Variants in FSIP2 observed in about 807,000 individuals in gnomAD.
The protein encoded by FSIP2 is fibrous sheath-interacting protein 2.
FSIP2 carries 367 observed loss-of-function variants against 510.5 expected under a neutral mutation model. The ratio of observed to expected loss-of-function variants is 0.72; its 90% CI spans 0.66 to 0.78. FSIP2 has a LOEUF of 0.78. Ranked by LOEUF, FSIP2 falls within the 30% of genes least tolerant of loss-of-function variation. The probability of loss-of-function intolerance (pLI) is 0.00; values close to 1 mark genes in which losing one functional copy is unlikely to be tolerated. For synonymous variants in FSIP2, 2,601 were observed against 2,732.2 expected (o/e 0.95, Z 1.50); for missense variants, 7,594 against 7,901.7 (o/e 0.96, Z 1.48).
chr2:185,815,801 A>G (rs1693814864), intron 19 of FSIP2, among the ~76,000 whole-genome samples: 1 of 152,086 alleles, frequency 6.6e-6, no homozygotes, highest in East Asian at 1.9e-4. Context: ...ATGCAGTATC[A>G]GTACAAAAGT....
Position 185,743,203 on chromosome 2 carries a change from G to A in FSIP2, c.296G>A (p.Ser99Asn). The A allele has an allele frequency of 6.5e-7, 1 of 1,529,690 alleles. No homozygotes were observed. Among genetic ancestry groups the A allele is most frequent in the Non-Finnish European group, 8.7e-7 (1 of 1,143,850 alleles). The allele number at this position is 1,529,690 out of a possible 1,614,324, so 94.8% of individuals were successfully genotyped here. Residue 99 changes from serine to asparagine, a missense_variant, in exon 3 of 23, where the codon AGC (serine) becomes AAC (asparagine). By Grantham distance (46) the Ser-to-Asn change is conservative (BLOSUM62 1). Coordinates refer to ENST00000424728, the MANE Select transcript of FSIP2 (RefSeq NM_173651.4). ...YCRLLENQYKSLHDPHLKAYY... is the reference protein window; with the variant it reads ...YCRLLENQYKNLHDPHLKAYY... Reference sequence around the variant, plus strand: ...CGACTTTTGGAAAACCAATATAAAAGCCTCCATGATCCACATTTAAAAGCA... The same window carrying A: ...CGACTTTTGGAAAACCAATATAAAAACCTCCATGATCCACATTTAAAAGCA...
At position 185,790,145 on chromosome 2, in the gene FSIP2, T is replaced by C; in HGVS notation, c.3009T>C (p.Asp1003=). The part of the protein sequence containing the change: ...NVPGMVLYSD[D]ENEEIDNIVK... ...CAGGCATGGTTCTTTATTCTGATGATGAAAATGAGGAAATAGACAATATTG... is the reference window on the plus strand; with the variant it reads ...CAGGCATGGTTCTTTATTCTGATGACGAAAATGAGGAAATAGACAATATTG... Residue 1003 remains aspartate (D), a synonymous_variant, in exon 16 of 23, where the codon GAT becomes GAC. Coordinates refer to ENST00000424728, the MANE Select transcript of FSIP2 (RefSeq NM_173651.4). 5 of 1,533,380 alleles carry C rather than the reference T, an allele frequency of 3.3e-6. No homozygotes were observed. The highest frequency in any genetic ancestry group is 4.4e-6 in the Non-Finnish European group (5 of 1,145,116). The allele number at this position is 1,533,380 out of a possible 1,614,324, so 95.0% of individuals were successfully genotyped here.
chr2:185,793,383 C>G lies in FSIP2; in HGVS notation c.6247C>G (p.Arg2083Gly), dbSNP rs758314634. 1.3e-6 allele frequency: 2 copies of G among 1,533,468 alleles called. No individual in the cohort carries two copies. The highest frequency in any genetic ancestry group is 1.7e-6 in the Non-Finnish European group (2 of 1,145,346). 95.0% of individuals were successfully genotyped at this position (1,533,468 alleles called of 1,614,324 possible). A position where few individuals can be genotyped will look rare whatever the true frequency, so the allele number is the denominator to read the frequency against. The change falls in exon 16 of 23, where the codon CGA (arginine) becomes GGA (glycine). Residue 2083 changes from arginine to glycine, a missense_variant. Transcript: ENST00000424728. ...AAAGCTGCTCAATGAGACCAAATAT[C>G]GAAAAGTACTTCAACTTCAAATACA... ...IEKLLNETKY[R>G]KVLQLQIQDT... is the part of the protein sequence containing the mutation.
chr2:185,756,192 CT>C lies in FSIP2; in HGVS notation c.994del (p.Ser332LeufsTer12). On this transcript the variant is annotated frameshift_variant and splice_region_variant, in exon 9 of 23. Coordinates refer to ENST00000424728, the MANE Select transcript of FSIP2 (RefSeq NM_173651.4). LOFTEE classifies it high-confidence loss of function. ...FKYRGQDGTH[A>X]SPKNKKKTSE... ...AAATGTTTTATTATATTTCTTTAAG[CT>C]TCTCCAAAGAATAAAAAGAAGACTT... 8.4e-7 allele frequency: 1 copy of C among 1,189,010 alleles called. No individual in the cohort carries two copies. Among genetic ancestry groups the C allele is most frequent in the Non-Finnish European group, 1.2e-6 (1 of 857,658 alleles). The allele number at this position is 1,189,010 out of a possible 1,614,324, so 73.7% of individuals were successfully genotyped here.
In FSIP2 at chr2:185,813,664, T is replaced by C; in HGVS notation, c.19947T>C (p.Asp6649=). The change falls in exon 18 of 23, where the codon GAT becomes GAC. Residue 6649 remains aspartate (D), a synonymous_variant. Coordinates refer to ENST00000424728, the MANE Select transcript of FSIP2 (RefSeq NM_173651.4). ...LIVRLVAHDI[D]QVYLENYIKE... ...TTCGATTAGTAGCTCATGATATTGA[T>C]CAAGTGTATTTGGAAAATTACATAA... The C allele has an allele frequency of 6.2e-7, 1 of 1,608,590 alleles. No homozygotes were observed. The highest frequency in any genetic ancestry group is 8.5e-7 in the Non-Finnish European group (1 of 1,176,982).
At chr2:185,831,547 T>C (rs899065190) in intron 21 of FSIP2, among the ~76,000 whole-genome samples, 2 of 151,924 alleles carry the variant, frequency 1.3e-5, no homozygotes, top group Non-Finnish European at 2.9e-5. Flanking sequence ...TTTCATGAGT[T>C]AATATGGCTG....
chr2:185,790,597 T>C lies in FSIP2; in HGVS notation c.3461T>C (p.Ile1154Thr), dbSNP rs192534226. Residue 1154 changes from isoleucine to threonine, a missense_variant, in exon 16 of 23, where the codon ATA becomes ACA. Coordinates refer to ENST00000424728, the MANE Select transcript of FSIP2 (RefSeq NM_173651.4). ...KPQGLSHQEW[I>T]DQMFSVSEIS... is the part of the protein sequence containing the mutation. ...CAAGGACTGTCACATCAAGAATGGA[T>C]AGACCAGATGTTTTCTGTTTCAGAA... The C allele has an allele frequency of 3.5e-5, 54 of 1,534,038 alleles. No homozygotes were observed. In the East Asian group the frequency reaches 1.1e-3, roughly 32 times the overall value.
rs531591443 is a variant in FSIP2, at chr2:185,788,609, A to G, written c.1507-34A>G. ...AAAACATAGAGTAAGTTGTTACATGACTTTATTTTCATCTCTGCTTACCTC... is the reference window on the plus strand; with the variant it reads ...AAAACATAGAGTAAGTTGTTACATGGCTTTATTTTCATCTCTGCTTACCTC... On this transcript the variant is annotated intron_variant, in intron 15 of 22. Transcript: ENST00000424728. The G allele has an allele frequency of 1.2e-5, 17 of 1,411,462 alleles. No individual in the cohort carries two copies. In the South Asian group the frequency reaches 1.5e-4, roughly 13 times the overall value. The allele number at this position is 1,411,462 out of a possible 1,614,324, so 87.4% of individuals were successfully genotyped here.
At chr2:185,779,710 AC>A (rs1692802173) in intron 13 of FSIP2, among the ~76,000 whole-genome samples, 2 of 152,070 alleles carry the variant, frequency 1.3e-5, no homozygotes, top group African/African-American at 4.8e-5. Flanking sequence ...ATATTTGCCC[AC>A]CTGTTTACCA....
chr2:185,762,761 A>G (rs1396894840), intron 11 of FSIP2, among the ~76,000 whole-genome samples: 1 of 151,138 alleles, frequency 6.6e-6, no homozygotes, highest in Non-Finnish European at 1.5e-5. Flanking sequence ...CTCCAATTTC[A>G]TCTTCCTCTT....
chr2:185,828,149 T>C lies in FSIP2; in HGVS notation c.20474-7T>C, dbSNP rs761351750. ...CTATTTTACTTTTTTTTTTTTAATC[T>C]CTACAGAAAGTTCTCAGGAACAAAA... On this transcript the variant is annotated splice_region_variant and splice_polypyrimidine_tract_variant and intron_variant, in intron 20 of 22. Coordinates refer to ENST00000424728, the MANE Select transcript of FSIP2 (RefSeq NM_173651.4). 6.5e-7 allele frequency: 1 copy of C among 1,533,478 alleles called. No individual in the cohort carries two copies. Among genetic ancestry groups the C allele is most frequent in the South Asian group, 1.2e-5 (1 of 86,830 alleles). 95.0% of individuals were successfully genotyped at this position (1,533,478 alleles called of 1,614,324 possible). A position where few individuals can be genotyped will look rare whatever the true frequency, so the allele number is the denominator to read the frequency against.
chr2:185,831,075 T>G (rs190239349), intron 21 of FSIP2, among the ~76,000 whole-genome samples: 1 of 152,092 alleles, frequency 6.6e-6, no homozygotes, highest in African/African-American at 2.4e-5. Flanking sequence ...AATAGTTATC[T>G]GTTGCTTTTT....
At position 185,807,442 on chromosome 2, in the gene FSIP2, T is replaced by C. The variant is rs771159044; in HGVS notation, c.18136T>C (p.Phe6046Leu). 5 of 1,612,474 alleles carry C rather than the reference T, an allele frequency of 3.1e-6. No individual in the cohort carries two copies. The South Asian group carries it at 4.4e-5, about 14-fold the overall frequency. ...GGACAATTTGTCCACAGAACTGAAT[T>C]TCCTTCAAATGAAGTTAGTAAGTGC... ...PEDNLSTELN[F>L]LQMKLVSAVA... Residue 6046 changes from phenylalanine to leucine, a missense_variant, in exon 17 of 23, where the codon TTC becomes CTC. Phe to Leu is a conservative substitution (Grantham distance 22, BLOSUM62 0). Transcript: ENST00000424728.
chr2:185,763,038 A>G (rs1692387527), intron 11 of FSIP2, 145 bp from the exon 12 acceptor site: 3 of 572,858 alleles, frequency 5.2e-6, no homozygotes, highest in Admixed American at 5.9e-5. Flanking sequence ...TATTTCCTTG[A>G]CTCAAATAAA....
rs753918887 is a variant in FSIP2 at position 185,743,169 on chromosome 2, C to A, written c.262C>A (p.Pro88Thr). ...TTCTTATGGTTTTAACCTGACTGAT[C>A]CCTATTGTCGACTTTTGGAAAACCA... ...RPSYGFNLTD[P>T]YCRLLENQYK... The change falls in exon 3 of 23, where the codon CCC (proline) becomes ACC (threonine). Residue 88 changes from proline to threonine, a missense_variant. Coordinates refer to ENST00000424728, the MANE Select transcript of FSIP2 (RefSeq NM_173651.4). The A allele has an allele frequency of 1.5e-5, 23 of 1,523,306 alleles. No homozygotes were observed. The South Asian group carries it at 2.7e-4, about 18-fold the overall frequency. 94.4% of individuals were successfully genotyped at this position (1,523,306 alleles called of 1,614,324 possible).
chr2:185,763,177 C>T lies in FSIP2; in HGVS notation c.1241-6C>T, dbSNP rs1235561538. 8.1e-7 allele frequency: 1 copy of T among 1,238,102 alleles called. No individual in the cohort carries two copies. 76.7% of individuals were successfully genotyped at this position (1,238,102 alleles called of 1,614,324 possible). A position where few individuals can be genotyped will look rare whatever the true frequency, so the allele number is the denominator to read the frequency against. ...TCATATTTAAAGTTATCTCTTCTTT[C>T]TCTAGGAGGTATAAATATTTCAGGC... On this transcript the variant is annotated splice_polypyrimidine_tract_variant and splice_region_variant and intron_variant, in intron 11 of 22. Transcript: ENST00000424728.
At position 185,800,763 on chromosome 2, in the gene FSIP2, G is replaced by A. The variant is rs564802142; in HGVS notation, c.11457G>A (p.Met3819Ile). The change falls in exon 17 of 23, where the codon ATG becomes ATA. Residue 3819 changes from methionine (M) to isoleucine (I), a missense_variant. Transcript: ENST00000424728. ...GTGAATGCCTTCAAGTAGATTACAT[G>A]TCAGACCTTTTGGAGAATGTGGCAG... The part of the protein sequence containing the change: ...MDCECLQVDY[M>I]SDLLENVAEI... The A allele has an allele frequency of 1.3e-6, 2 of 1,534,042 alleles. No individual in the cohort carries two copies. The highest frequency in any genetic ancestry group is 1.7e-6 in the Non-Finnish European group (2 of 1,145,478).
intron 9 of FSIP2, among the ~76,000 whole-genome samples, chr2:185,757,256 C>T (rs17228146): frequency 0.54 from 82,328 of 151,118 alleles, 22,671 homozygotes; most frequent in South Asian, 0.64. Context: ...TGTCAAAGAA[C>T]CTCAGTGACA....
chr2:185,806,263 A>T lies in FSIP2; in HGVS notation c.16957A>T (p.Ser5653Cys). The change falls in exon 17 of 23, where the codon AGC becomes TGC. Residue 5653 changes from serine (S) to cysteine (C), a missense_variant. Physicochemically the swap from Ser to Cys is moderately radical, Grantham distance 112. Coordinates refer to ENST00000424728, the MANE Select transcript of FSIP2 (RefSeq NM_173651.4). ...TTTGGAAATAAGAATTCGAACATCA[A>T]GCAATGAGGGGAGAAGAGACTCTCC... ...DTLEIRIRTS[S>C]NEGRRDSPTQ... is the part of the protein sequence containing the mutation. 6.2e-7 allele frequency: 1 copy of T among 1,610,270 alleles called. No homozygotes were observed. Among genetic ancestry groups the T allele is most frequent in the Non-Finnish European group, 8.5e-7 (1 of 1,178,026 alleles).
Sources: allele counts gnomAD v4.1 joint callset (sites outside exome capture counted in the v4.1 genomes callset), GRCh38; gene constraint gnomAD v4.1.1; transcripts MANE v1.5; gene names NCBI Gene and HGNC (gene_info 2026-07-23, HGNC 2026-07-21).